Variants in SEMA3E observed in about 807,000 individuals in gnomAD.
SEMA3E encodes the protein semaphorin 3E, also known as semaphorin-3E.
SEMA3E carries 49 observed loss-of-function variants against 93.6 expected under a neutral mutation model. The observed-to-expected ratio is 0.52, with a 90% CI of 0.42 to 0.66. SEMA3E has a LOEUF of 0.66. Among genes scored for constraint, SEMA3E ranks in the 30% least tolerant of loss-of-function variants. The pLI is 0.00. For synonymous variants in SEMA3E, 363 were observed against 330.7 expected (o/e 1.10, Z -1.06); for missense variants, 906 against 964.8 (o/e 0.94, Z 0.81).
intron 14 of SEMA3E, among the ~76,000 whole-genome samples, chr7:83,390,073 G>A (rs913633069): frequency 1.6e-5 from 1 of 63,012 alleles, no homozygotes; most frequent in African/African-American, 5.3e-5. Flanking sequence ...ATATATGCGC[G>A]TATACGTGTG....
At position 83,458,034 on chromosome 7, in the gene SEMA3E, G is replaced by A. The variant is rs188005163; in HGVS notation, c.456+8448C>T. Among the ~76,000 whole-genome samples, 238 of 151,702 alleles carry A rather than the reference G, an allele frequency of 1.6e-3. 1 individual carries two copies. The Middle Eastern group carries it at 0.028, about 18-fold the overall frequency. ...TATCGGATGGTCACCAGTTTCTCTT[G>A]TGACATATATATATATAATTTTTTC... On this transcript the variant is annotated intron_variant, in intron 4 of 16. Coordinates refer to ENST00000643230, the MANE Select transcript of SEMA3E (RefSeq NM_012431.3).
chr7:83,503,498 T>A (rs1361786636), intron 1 of SEMA3E, among the ~76,000 whole-genome samples: 2 of 152,156 alleles, frequency 1.3e-5, no homozygotes, highest in African/African-American at 4.8e-5. Context: ...TTCTAGGAGT[T>A]TTCTAGTACA....
intron 15 of SEMA3E, among the ~76,000 whole-genome samples, chr7:83,386,607 C>T (rs1411795231): frequency 6.6e-6 from 1 of 151,988 alleles, no homozygotes; most frequent in Non-Finnish European, 1.5e-5. Flanking sequence ...AGAAGTAATA[C>T]CAGTTGATAA....
chr7:83,623,249 AAAC>A (rs1793602856), intron 1 of SEMA3E, among the ~76,000 whole-genome samples: 1 of 152,162 alleles, frequency 6.6e-6, no homozygotes, highest in Admixed American at 6.6e-5. Context: ...ATAAAACTAG[AAAC>A]AACCAAAATT....
intron 16 of SEMA3E, among the ~76,000 whole-genome samples, chr7:83,374,393 A>G (rs1280579574): frequency 6.6e-6 from 1 of 152,152 alleles, no homozygotes; most frequent in Non-Finnish European, 1.5e-5. Context: ...TCCTGAGAGC[A>G]AGCTGACAAT....
chr7:83,488,375 G>A (rs928366193), intron 2 of SEMA3E, among the ~76,000 whole-genome samples: 4 of 152,148 alleles, frequency 2.6e-5, no homozygotes, highest in Non-Finnish European at 5.9e-5. Context: ...ACAGGAGAAG[G>A]TTTTAAAACA....
chr7:83,440,068 T>C (rs188781962), intron 4 of SEMA3E, among the ~76,000 whole-genome samples: 83 of 152,328 alleles, frequency 5.4e-4, no homozygotes, highest in Middle Eastern at 6.8e-3. Context: ...CTTTACAAGA[T>C]ACAAAATGTT....
At chr7:83,588,404 A>C (rs1033873054) in intron 1 of SEMA3E, among the ~76,000 whole-genome samples, 1 of 152,094 alleles carries the variant, frequency 6.6e-6, no homozygotes, top group Non-Finnish European at 1.5e-5. Context: ...AAGAAGAAGA[A>C]TTGTAAAAAT....
intron 1 of SEMA3E, among the ~76,000 whole-genome samples, chr7:83,610,287 A>G (rs2115578931): frequency 6.6e-6 from 1 of 152,192 alleles, no homozygotes; most frequent in East Asian, 1.9e-4. Flanking sequence ...CTTGATGAAT[A>G]TACTTTGAAT....
intron 1 of SEMA3E, among the ~76,000 whole-genome samples, chr7:83,565,799 A>C (rs936275558): frequency 2.6e-5 from 4 of 152,070 alleles, no homozygotes; most frequent in African/African-American, 4.8e-5. Flanking sequence ...AAATTTTATG[A>C]CCTTCTTTGG....
chr7:83,556,838 A>G (rs1237637534), intron 1 of SEMA3E, among the ~76,000 whole-genome samples: 1 of 152,172 alleles, frequency 6.6e-6, no homozygotes, highest in African/African-American at 2.4e-5. Context: ...TTCGAGCCTT[A>G]CAAAAGGGCT....
intron 1 of SEMA3E, among the ~76,000 whole-genome samples, chr7:83,509,568 C>A (rs1333114561): frequency 1.1e-4 from 17 of 152,090 alleles, no homozygotes; most frequent in African/African-American, 2.2e-4. Context: ...AACAAAAAAA[C>A]CAACTTATAT....
At chr7:83,471,559 T>C (rs931057550) in intron 2 of SEMA3E, among the ~76,000 whole-genome samples, 1 of 151,972 alleles carries the variant, frequency 6.6e-6, no homozygotes, top group African/African-American at 2.4e-5. Context: ...TCATGCTAGG[T>C]GGCTGTAGCA....
At chr7:83,434,315 T>C (rs918380654) in intron 4 of SEMA3E, among the ~76,000 whole-genome samples, 12 of 152,170 alleles carry the variant, frequency 7.9e-5, no homozygotes, top group Non-Finnish European at 1.5e-4. Flanking sequence ...GAAGACATTA[T>C]AAAATAATAT....
At chr7:83,474,796 C>T (rs757973754) in intron 2 of SEMA3E, among the ~76,000 whole-genome samples, 1 of 152,126 alleles carries the variant, frequency 6.6e-6, no homozygotes, top group African/African-American at 2.4e-5. Flanking sequence ...AGTTTATAAG[C>T]TTTACCTGAT....
chr7:83,475,300 A>C (rs956372319), intron 2 of SEMA3E, among the ~76,000 whole-genome samples: 1 of 152,062 alleles, frequency 6.6e-6, no homozygotes, highest in Non-Finnish European at 1.5e-5. Flanking sequence ...CCAGTTAAAC[A>C]CACTGTTTAG....
chr7:83,503,131 C>A (rs1475924131), intron 1 of SEMA3E, among the ~76,000 whole-genome samples: 1 of 151,630 alleles, frequency 6.6e-6, no homozygotes, highest in African/African-American at 2.4e-5. Context: ...ACTCTCAGGG[C>A]TCATAATATA....
intron 2 of SEMA3E, among the ~76,000 whole-genome samples, chr7:83,471,286 T>A (rs1490621539): frequency 6.8e-6 from 1 of 148,060 alleles, no homozygotes; most frequent in Non-Finnish European, 1.5e-5. Flanking sequence ...AGCTGCTCAA[T>A]CAAATCTCTA....
intron 4 of SEMA3E, among the ~76,000 whole-genome samples, chr7:83,418,702 A>G (rs1302731456): frequency 6.6e-6 from 1 of 152,192 alleles, no homozygotes; most frequent in Non-Finnish European, 1.5e-5. Context: ...AAAAGTATGC[A>G]GGTGATGAAA....
Sources: allele counts gnomAD v4.1 joint callset (sites outside exome capture counted in the v4.1 genomes callset), GRCh38; gene constraint gnomAD v4.1.1; transcripts MANE v1.5; gene names NCBI Gene and HGNC (gene_info 2026-07-23, HGNC 2026-07-21).